Variants in NPAS3 observed in about 807,000 individuals in gnomAD.
The protein encoded by NPAS3 is neuronal PAS domain-containing protein 3.
In NPAS3, 14 loss-of-function variants were observed where a neutral mutation model predicts 73.1. That is an observed-to-expected ratio of 0.19 (90% confidence interval 0.13 to 0.30). The LOEUF (loss-of-function observed/expected upper bound fraction) is 0.30, where lower values mean the gene tolerates loss of function less well. NPAS3 is among the 10% of genes least tolerant of loss of function. The probability of loss-of-function intolerance (pLI) is 1.00; values close to 1 mark genes in which losing one functional copy is unlikely to be tolerated. For missense variants in NPAS3, 1,096 were observed against 1,250.0 expected, an observed-to-expected ratio of 0.88 and a Z score of 1.86; for synonymous variants, 620 against 541.5, an observed-to-expected ratio of 1.14 and a Z score of -2.01.
chr14:33,467,984 A>G (rs2050609910), intron 4 of NPAS3, among the ~76,000 whole-genome samples: 1 of 152,058 alleles, frequency 6.6e-6, no homozygotes, highest in Non-Finnish European at 1.5e-5. Flanking sequence ...ATTGAGCAAA[A>G]CCCTTAAACT....
At chr14:33,627,865 C>T (rs2058265192) in intron 5 of NPAS3, among the ~76,000 whole-genome samples, 1 of 152,168 alleles carries the variant, frequency 6.6e-6, no homozygotes, top group East Asian at 1.9e-4. Flanking sequence ...TAAGAGTTTT[C>T]CTTGTCAACA....
At chr14:33,555,601 C>A (rs1161261365) in intron 4 of NPAS3, among the ~76,000 whole-genome samples, 1 of 152,112 alleles carries the variant, frequency 6.6e-6, no homozygotes, top group East Asian at 1.9e-4. Flanking sequence ...CTCCTCCCAC[C>A]TTTTTAAGTT....
chr14:33,072,847 A>G (rs1208421509), intron 2 of NPAS3, among the ~76,000 whole-genome samples: 1 of 152,122 alleles, frequency 6.6e-6, no homozygotes, highest in East Asian at 1.9e-4. Flanking sequence ...TGGGACAGTA[A>G]CCTTGGTACA....
At chr14:33,469,435 A>G (rs1159557475) in intron 4 of NPAS3, among the ~76,000 whole-genome samples, 1 of 152,206 alleles carries the variant, frequency 6.6e-6, no homozygotes, top group African/African-American at 2.4e-5. Flanking sequence ...TAGAGGTAAG[A>G]AAGTGAGACA....
At chr14:33,277,728 G>A (rs941808889) in intron 3 of NPAS3, among the ~76,000 whole-genome samples, 2 of 152,132 alleles carry the variant, frequency 1.3e-5, no homozygotes, top group African/African-American at 4.8e-5. Flanking sequence ...ATCTGGGAAA[G>A]GCAAGGAGGT....
chr14:33,518,769 T>G (rs888535338), intron 4 of NPAS3, among the ~76,000 whole-genome samples: 7 of 124,226 alleles, frequency 5.6e-5, no homozygotes, highest in Admixed American at 8.9e-5. Context: ...GGGGCCTCTC[T>G]TTAGTGTTCC....
chr14:33,095,675 T>A (rs192157361), intron 2 of NPAS3, among the ~76,000 whole-genome samples: 11,789 of 138,482 alleles, frequency 0.085, 948 homozygotes, highest in Admixed American at 0.1. Flanking sequence ...TTTTTATTTT[T>A]TTTTTTTTTT....
chr14:33,287,729 T>A (rs926723388), intron 3 of NPAS3, among the ~76,000 whole-genome samples: 6 of 152,148 alleles, frequency 3.9e-5, no homozygotes, highest in African/African-American at 1.4e-4. Context: ...GGGGTTAGAA[T>A]TCAGAGCTAA....
At chr14:33,006,333 G>A (rs1251852435) in intron 1 of NPAS3, among the ~76,000 whole-genome samples, 1 of 152,136 alleles carries the variant, frequency 6.6e-6, no homozygotes, top group Admixed American at 6.6e-5. Flanking sequence ...GGACAACCTG[G>A]TGTAAAGCTG....
intron 2 of NPAS3, among the ~76,000 whole-genome samples, chr14:33,170,608 TATTA>T (rs1444656654): frequency 3.9e-5 from 6 of 152,230 alleles, no homozygotes; most frequent in African/African-American, 9.6e-5. Flanking sequence ...GCTGCTGCTT[TATTA>T]ATTAAGTTTG....
chr14:33,124,765 A>C (rs74386635), intron 2 of NPAS3, among the ~76,000 whole-genome samples: 2,812 of 152,278 alleles, frequency 0.018, 44 homozygotes, highest in Middle Eastern at 0.041. Context: ...TCTTTTAAGC[A>C]GACTTTATAA....
At chr14:33,612,830 C>T (rs2057793455) in intron 5 of NPAS3, among the ~76,000 whole-genome samples, 1 of 152,152 alleles carries the variant, frequency 6.6e-6, no homozygotes, top group African/African-American at 2.4e-5. Flanking sequence ...AAATCTGAGG[C>T]TTCTTTCTCT....
At chr14:33,196,383 C>T (rs12433161) in intron 2 of NPAS3, among the ~76,000 whole-genome samples, 32,112 of 152,144 alleles carry the variant, frequency 0.21, 3,839 homozygotes, top group South Asian at 0.38. Context: ...TCCCTCGTGA[C>T]AAGGATGTAA....
chr14:33,177,936 A>C (rs993987428), intron 2 of NPAS3, among the ~76,000 whole-genome samples: 1 of 151,748 alleles, frequency 6.6e-6, no homozygotes, highest in Admixed American at 6.6e-5. Context: ...AGGATGTGCA[A>C]CTCCTTCAAA....
At chr14:33,395,228 A>G (rs1465180031) in intron 4 of NPAS3, among the ~76,000 whole-genome samples, 2 of 152,178 alleles carry the variant, frequency 1.3e-5, no homozygotes, top group Non-Finnish European at 2.9e-5. Context: ...TTTCGTAATC[A>G]GCAGATACTT....
At chr14:33,297,286 A>G (rs1200035913) in intron 3 of NPAS3, among the ~76,000 whole-genome samples, 7 of 152,290 alleles carry the variant, frequency 4.6e-5, no homozygotes, top group Non-Finnish European at 5.9e-5. Flanking sequence ...TGAGTATTGC[A>G]TAACTTAATA....
intron 4 of NPAS3, among the ~76,000 whole-genome samples, chr14:33,413,958 T>C (rs1337615693): frequency 1.3e-5 from 2 of 152,206 alleles, no homozygotes; most frequent in African/African-American, 2.4e-5. Flanking sequence ...CTTGATTCAT[T>C]CTTTTCATAT....
At chr14:33,243,867 T>G (rs2048291591) in intron 3 of NPAS3, among the ~76,000 whole-genome samples, 1 of 152,158 alleles carries the variant, frequency 6.6e-6, no homozygotes, top group Non-Finnish European at 1.5e-5. Flanking sequence ...CAATTTGTAT[T>G]TTTATTTAGT....
At chr14:33,263,387 C>T (rs10148124) in intron 3 of NPAS3, among the ~76,000 whole-genome samples, 34,220 of 152,104 alleles carry the variant, frequency 0.22, 4,167 homozygotes, top group Non-Finnish European at 0.27. Flanking sequence ...ATCCTTTCTC[C>T]ATTGCTTGTT....
Sources: gnomAD v4.1 joint callset for allele counts (sites outside exome capture counted in the v4.1 genomes callset) on GRCh38, gnomAD v4.1.1 for gene constraint, MANE v1.5 for transcripts, NCBI Gene and HGNC (gene_info 2026-07-23, HGNC 2026-07-21) for gene names.